The following DCT variants were observed in gnomAD, a reference collection of about 807,000 sequenced individuals.
DCT encodes dopachrome tautomerase, also known as L-dopachrome tautomerase.
DCT carries 47 observed loss-of-function variants against 53.0 expected under a neutral mutation model. The ratio of observed to expected loss-of-function variants is 0.89; its 90% CI spans 0.70 to 1.13. The LOEUF is 1.13. Among genes scored for constraint, DCT ranks in the 50% most tolerant of loss-of-function variants. The pLI is 0.00. For missense variants in DCT, 669 were observed against 637.4 expected, an observed-to-expected ratio of 1.05 and a Z score of -0.53; for synonymous variants, 244 against 237.0, an observed-to-expected ratio of 1.03 and a Z score of -0.27.
the DCT span, among the ~76,000 whole-genome samples, chr13:94,542,880 C>A: frequency 1.1e-4 from 16 of 152,022 alleles, no homozygotes; most frequent in Non-Finnish European, 1.8e-4. Flanking sequence ...CACGAGAGTA[C>A]CAATGTTGCC....
chr13:94,476,138 A>ATTTATTT (rs1427898742), intron 1 of DCT, among the ~76,000 whole-genome samples: 6 of 108,888 alleles, frequency 5.5e-5, no homozygotes, highest in Non-Finnish European at 9.4e-5. Flanking sequence ...AACAGGCCCT[A>ATTTATTT]TTTATTTCTG....
chr13:94,452,118 C>T (rs1046424879), intron 6 of DCT, among the ~76,000 whole-genome samples: 1 of 152,066 alleles, frequency 6.6e-6, no homozygotes, highest in Non-Finnish European at 1.5e-5. Context: ...CTGCAACCTC[C>T]ACCTCCCGGG....
chr13:94,462,832 AG>A (rs1883902839), intron 4 of DCT, among the ~76,000 whole-genome samples: 3 of 152,220 alleles, frequency 2.0e-5, no homozygotes, highest in African/African-American at 7.2e-5. Flanking sequence ...AAGGGAGAAT[AG>A]GGTGGTTCGT....
the DCT span, among the ~76,000 whole-genome samples, chr13:94,536,451 G>C: frequency 6.6e-6 from 1 of 152,098 alleles, no homozygotes; most frequent in Non-Finnish European, 1.5e-5. Context: ...TTGGAGGTGG[G>C]GCCTGGTGGG....
At chr13:94,494,586 T>C in the DCT span, among the ~76,000 whole-genome samples, 1 of 152,174 alleles carries the variant, frequency 6.6e-6, no homozygotes, top group Non-Finnish European at 1.5e-5. Context: ...CTTTACTCGC[T>C]AGCCTCCTGC....
chr13:94,493,389 T>A, the DCT span, among the ~76,000 whole-genome samples: 1 of 152,058 alleles, frequency 6.6e-6, no homozygotes, highest in Non-Finnish European at 1.5e-5. Flanking sequence ...AGCAGATGAG[T>A]GTCGGCCAGA....
At chr13:94,506,216 T>G in the DCT span, among the ~76,000 whole-genome samples, 7 of 152,204 alleles carry the variant, frequency 4.6e-5, no homozygotes, top group African/African-American at 1.7e-4. Flanking sequence ...ACTTAATCGC[T>G]TAAAACTCCA....
chr13:94,496,262 T>C, the DCT span, among the ~76,000 whole-genome samples: 2 of 152,140 alleles, frequency 1.3e-5, no homozygotes, highest in Admixed American at 1.3e-4. Context: ...GCCATGATCT[T>C]GGCTCACTGC....
chr13:94,493,266 G>T, the DCT span, among the ~76,000 whole-genome samples: 2 of 151,842 alleles, frequency 1.3e-5, no homozygotes, highest in Non-Finnish European at 2.9e-5. Flanking sequence ...GGATCCAAGG[G>T]AAATGCCTGC....
chr13:94,465,845 TACA>T (rs1566840097), intron 3 of DCT, 46 bp from the exon 4 acceptor site: 2 of 1,560,288 alleles, frequency 1.3e-6, no homozygotes, highest in South Asian at 1.2e-5. Flanking sequence ...TGCCATCAGA[TACA>T]ACAAGAAAGC....
chr13:94,543,367 T>A, the DCT span, among the ~76,000 whole-genome samples: 1 of 152,218 alleles, frequency 6.6e-6, no homozygotes, highest in Non-Finnish European at 1.5e-5. Context: ...CTCAGAAGAT[T>A]TTTCAAAAGT....
In DCT at chr13:94,479,401, CCCA is replaced by C; in HGVS notation, c.-149_-147del. 1.3e-6 allele frequency: 1 copy of C among 780,880 alleles called. No homozygotes were observed. The highest frequency in any genetic ancestry group is 2.0e-6 in the Non-Finnish European group (1 of 503,774). 48.4% of individuals were successfully genotyped at this position (780,880 alleles called of 1,614,324 possible). ...CTATTCCTTTCTTCTTAAAAAAATA[CCCA>C]CAAGAATCACAGAGGTTACATGTGT... On this transcript the variant is annotated 5_prime_UTR_variant, in exon 1 of 8. Coordinates refer to ENST00000377028, the MANE Select transcript of DCT (RefSeq NM_001922.5).
chr13:94,495,808 C>T, the DCT span, among the ~76,000 whole-genome samples: 1 of 152,088 alleles, frequency 6.6e-6, no homozygotes, highest in Admixed American at 6.5e-5. Flanking sequence ...AGAAGTTGAA[C>T]ACAATAACTT....
chr13:94,528,070 G>A, the DCT span, among the ~76,000 whole-genome samples: 9 of 152,216 alleles, frequency 5.9e-5, no homozygotes, highest in East Asian at 9.7e-4. Flanking sequence ...GAAATAAAGT[G>A]AGAAGACAAG....
chr13:94,533,193 G>T, the DCT span, among the ~76,000 whole-genome samples: 1 of 148,164 alleles, frequency 6.7e-6, no homozygotes, highest in African/African-American at 2.5e-5. Context: ...TGAAAGAAAT[G>T]GGAGTAGTTA....
the DCT span, among the ~76,000 whole-genome samples, chr13:94,541,516 A>G: frequency 6.7e-6 from 1 of 148,580 alleles, no homozygotes; most frequent in Non-Finnish European, 1.5e-5. Flanking sequence ...AAAAAAAAAG[A>G]AAAAAAAAAG....
chr13:94,447,117 T>C (rs1269474121), intron 6 of DCT, among the ~76,000 whole-genome samples: 8 of 152,208 alleles, frequency 5.3e-5, no homozygotes, highest in African/African-American at 1.9e-4. Flanking sequence ...AGCTAATATA[T>C]GGTAGAGTAA....
chr13:94,501,049 G>A, the DCT span, among the ~76,000 whole-genome samples: 8 of 152,052 alleles, frequency 5.3e-5, no homozygotes, highest in South Asian at 1.5e-3. Flanking sequence ...GGCAGATCAC[G>A]AGGTCAGCAG....
At chr13:94,482,202 T>C (rs1041804607), upstream of DCT, among the ~76,000 whole-genome samples, 5 of 152,248 alleles carry the variant, frequency 3.3e-5, no homozygotes, top group African/African-American at 1.2e-4. Flanking sequence ...TTGGATCACG[T>C]GTTAGTCTGT....
Sources: allele counts gnomAD v4.1 joint callset (sites outside exome capture counted in the v4.1 genomes callset), GRCh38; gene constraint gnomAD v4.1.1; transcripts MANE v1.5; gene names NCBI Gene and HGNC (gene_info 2026-07-23, HGNC 2026-07-21).